The following PDE4B variants were observed in gnomAD, a reference collection of about 807,000 sequenced individuals.
PDE4B encodes 3',5'-cyclic-AMP phosphodiesterase 4B.
In PDE4B, 20 loss-of-function variants were observed where a neutral mutation model predicts 82.2. That is an observed-to-expected ratio of 0.24 (90% CI 0.17 to 0.35). The LOEUF (loss-of-function observed/expected upper bound fraction) is 0.35, where lower values mean the gene tolerates loss of function less well. Among genes scored for constraint, PDE4B ranks in the 10% least tolerant of loss-of-function variants. PDE4B has a pLI of 1.00. For synonymous variants in PDE4B, 320 were observed against 318.9 expected, an observed-to-expected ratio of 1.00 and a Z score of -0.04; for missense variants, 655 against 907.2, an observed-to-expected ratio of 0.72 and a Z score of 3.57.
intron 3 of PDE4B, among the ~76,000 whole-genome samples, chr1:65,993,918 T>A (rs1188480905): frequency 4.6e-5 from 7 of 152,136 alleles, no homozygotes; most frequent in Non-Finnish European, 8.8e-5. Flanking sequence ...AACAGTATAA[T>A]GATGAAATGT....
intron 3 of PDE4B, among the ~76,000 whole-genome samples, chr1:66,059,707 C>CTG (rs1655485239): frequency 6.6e-6 from 1 of 152,224 alleles, no homozygotes; most frequent in Non-Finnish European, 1.5e-5. Context: ...TAACCTCCCA[C>CTG]TGTGTCCCTC....
At chr1:66,163,537 T>G (rs1326446588) in intron 3 of PDE4B, among the ~76,000 whole-genome samples, 1 of 152,142 alleles carries the variant, frequency 6.6e-6, no homozygotes, top group Non-Finnish European at 1.5e-5. Flanking sequence ...TAGTATAGAT[T>G]CTTATTTTTC....
chr1:65,907,730 T>C (rs1372947632), intron 1 of PDE4B, among the ~76,000 whole-genome samples: 1 of 152,186 alleles, frequency 6.6e-6, no homozygotes, highest in Admixed American at 6.6e-5. Flanking sequence ...TTGCCAATTT[T>C]TAGTTTTCTC....
At chr1:66,370,491 C>A (rs556161049) in intron 16 of PDE4B, among the ~76,000 whole-genome samples, 4 of 152,184 alleles carry the variant, frequency 2.6e-5, no homozygotes, top group Non-Finnish European at 5.9e-5. Context: ...GCAGCTCTCT[C>A]ATCCAAAGCT....
chr1:65,968,061 G>T (rs908569464), intron 3 of PDE4B, among the ~76,000 whole-genome samples: 1 of 151,968 alleles, frequency 6.6e-6, no homozygotes, highest in Non-Finnish European at 1.5e-5. Flanking sequence ...GCTAGAAAAT[G>T]TGCTTGTCTG....
intron 1 of PDE4B, among the ~76,000 whole-genome samples, chr1:65,819,676 T>G (rs1570971380): frequency 6.6e-6 from 1 of 152,174 alleles, no homozygotes; most frequent in Admixed American, 6.5e-5. Flanking sequence ...TTTTTTTGTA[T>G]TTTTAGCAGA....
chr1:66,059,799 A>T (rs1655489325), intron 3 of PDE4B, among the ~76,000 whole-genome samples: 1 of 152,218 alleles, frequency 6.6e-6, no homozygotes, highest in Non-Finnish European at 1.5e-5. Flanking sequence ...ATATATATTC[A>T]GGTATCTTAA....
intron 3 of PDE4B, among the ~76,000 whole-genome samples, chr1:66,013,159 A>T (rs1256060520): frequency 1.3e-5 from 2 of 151,822 alleles, no homozygotes; most frequent in Non-Finnish European, 2.9e-5. Context: ...ACTTTGTGTA[A>T]CTCTCCCCAA....
rs36027532 is a variant in PDE4B, at chr1:66,146,173, CTTTTTTTTTTTTTTTT to C, written c.282-101274_282-101259del. On this transcript the variant is annotated intron_variant, in intron 3 of 16. Coordinates refer to ENST00000341517, the MANE Select transcript of PDE4B (RefSeq NM_002600.4). Reference sequence around the variant, plus strand: ...AGAAGGCCATTGCCTGGGTAGCATGCTTTTTTTTTTTTTTTTTTTTTTTTTTTTGAGACGGAGTCTC... The same window carrying C: ...AGAAGGCCATTGCCTGGGTAGCATGCTTTTTTTTTTTTGAGACGGAGTCTC... 1.2e-4 allele frequency among the ~76,000 whole-genome samples: 6 copies of C among 49,240 alleles called. 1 individual carries two copies. In the South Asian group the frequency reaches 5.1e-3, roughly 42 times the overall value. 32.3% of individuals were successfully genotyped at this position (49,240 alleles called of 152,430 possible). A position where few individuals can be genotyped will look rare whatever the true frequency, so the allele number is the denominator to read the frequency against.
At chr1:66,178,030 T>G (rs1557612356) in intron 3 of PDE4B, among the ~76,000 whole-genome samples, 1 of 141,836 alleles carries the variant, frequency 7.1e-6, no homozygotes, top group South Asian at 2.2e-4. Flanking sequence ...TACTATTCCT[T>G]AAAAAAAAAA....
rs143861621 is a variant in PDE4B, at chr1:66,289,540, C to T, written c.634+23453C>T. ...GAAAGGTATATTTGAGAAAGAAGGC[C>T]GGTGTGGCTGGAACAGAGTGAGCTA... is the stretch of plus-strand genomic sequence containing the variant. On this transcript the variant is annotated intron_variant, in intron 7 of 16. Transcript: ENST00000341517. Among the ~76,000 whole-genome samples, 59 of 151,662 alleles carry T rather than the reference C, an allele frequency of 3.9e-4. No homozygotes were observed. The East Asian group carries it at 8.7e-3, about 22-fold the overall frequency.
At chr1:66,184,494 A>T (rs1647139031) in intron 3 of PDE4B, among the ~76,000 whole-genome samples, 1 of 152,218 alleles carries the variant, frequency 6.6e-6, no homozygotes, top group Non-Finnish European at 1.5e-5. Flanking sequence ...TATGGGTTAG[A>T]ACCAACAGCA....
At chr1:65,917,694 A>G (rs1647178743) in intron 2 of PDE4B, among the ~76,000 whole-genome samples, 1 of 152,206 alleles carries the variant, frequency 6.6e-6, no homozygotes, top group Non-Finnish European at 1.5e-5. Flanking sequence ...TGTCAGCATT[A>G]GGGCATGTAC....
intron 6 of PDE4B, among the ~76,000 whole-genome samples, chr1:66,262,896 G>GAGAATT (rs1557666213): frequency 6.6e-6 from 1 of 152,176 alleles, no homozygotes; most frequent in Non-Finnish European, 1.5e-5. Flanking sequence ...AAGTCATTGA[G>GAGAATT]AGAATTAGGC....
intron 3 of PDE4B, among the ~76,000 whole-genome samples, chr1:66,194,001 A>G (rs1648055863): frequency 6.8e-6 from 1 of 146,288 alleles, no homozygotes; most frequent in African/African-American, 2.5e-5. Context: ...ATCTAGTTCT[A>G]GTAACTGACA....
intron 3 of PDE4B, among the ~76,000 whole-genome samples, chr1:66,202,408 C>T (rs1438520928): frequency 6.6e-6 from 1 of 152,106 alleles, no homozygotes; most frequent in Non-Finnish European, 1.5e-5. Flanking sequence ...TCCTTGTTAA[C>T]TTTCTGTCTC....
chr1:66,181,691 A>G (rs915416715), intron 3 of PDE4B, among the ~76,000 whole-genome samples: 11 of 152,136 alleles, frequency 7.2e-5, no homozygotes, highest in Admixed American at 7.2e-4. Context: ...TCTCTACTCC[A>G]CTTTGTAGTT....
At chr1:65,967,746 A>G (rs1557465321) in intron 3 of PDE4B, among the ~76,000 whole-genome samples, 1 of 152,170 alleles carries the variant, frequency 6.6e-6, no homozygotes, top group East Asian at 1.9e-4. Context: ...GGAAACCATC[A>G]TTCTCAGCAA....
chr1:66,197,054 ATAAT>A (rs1278870077), intron 3 of PDE4B, among the ~76,000 whole-genome samples: 6 of 152,112 alleles, frequency 3.9e-5, no homozygotes, highest in African/African-American at 1.4e-4. Context: ...AAACAGGCAA[ATAAT>A]TTATTTTGCT....
Sources: allele counts gnomAD v4.1 joint callset (sites outside exome capture counted in the v4.1 genomes callset), GRCh38; gene constraint gnomAD v4.1.1; transcripts MANE v1.5; gene names NCBI Gene and HGNC (gene_info 2026-07-23, HGNC 2026-07-21).